Variants in EML6 observed in about 807,000 individuals in gnomAD.
EML6 encodes the protein EMAP like 6.
EML6 carries 154 observed loss-of-function variants against 240.1 expected under a neutral mutation model. The ratio of observed to expected loss-of-function variants is 0.64; its 90% confidence interval spans 0.56 to 0.73. The LOEUF is 0.73. Among genes scored for constraint, EML6 ranks in the 30% least tolerant of loss-of-function variants. The pLI is 0.00. For synonymous variants in EML6, 1,148 were observed against 899.0 expected, an observed-to-expected ratio of 1.28 and a Z score of -4.95; for missense variants, 2,964 against 2,474.6, an observed-to-expected ratio of 1.20 and a Z score of -4.20.
Position 54,970,191 on chromosome 2 carries a change from A to G in EML6, c.*96A>G. 2 of 1,210,936 alleles carry G rather than the reference A, an allele frequency of 1.7e-6. No individual in the cohort carries two copies. Among genetic ancestry groups the G allele is most frequent in the East Asian group, 2.5e-5 (1 of 39,332 alleles). 75.0% of individuals were successfully genotyped at this position (1,210,936 alleles called of 1,614,324 possible). A position where few individuals can be genotyped will look rare whatever the true frequency, so the allele number is the denominator to read the frequency against. The stretch of plus-strand genomic sequence containing the variant: ...GCCTCCTTGCCACCAGCCGTTGGGA[A>G]ATGCCTACCATGCTGCCCCGGATGC... On this transcript the variant is annotated 3_prime_UTR_variant, in exon 42 of 42. Coordinates refer to ENST00000356458, the MANE Select transcript of EML6 (RefSeq NM_001039753.4).
intron 17 of EML6, among the ~76,000 whole-genome samples, chr2:54,885,292 A>T (rs2104025631): frequency 6.6e-6 from 1 of 152,008 alleles, no homozygotes; most frequent in East Asian, 1.9e-4. Flanking sequence ...CTAAAAATAT[A>T]AAAAATTAGC....
chr2:54,947,615 A>G (rs536456717), intron 28 of EML6, among the ~76,000 whole-genome samples: 1 of 152,272 alleles, frequency 6.6e-6, no homozygotes, highest in East Asian at 1.9e-4. Flanking sequence ...TCCATTGTAC[A>G]TAACTCCCCA....
chr2:54,949,893 C>T lies in EML6; in HGVS notation c.4084-757C>T, dbSNP rs1421908173. On this transcript the variant is annotated intron_variant, in intron 29 of 41. Transcript: ENST00000356458. Reference sequence around the variant, plus strand: ...TTAGAAGGCTCCTCCTGCCAGCTCCCAGTACCCTGGTCTTTCCAAGACCTT... The same window carrying T: ...TTAGAAGGCTCCTCCTGCCAGCTCCTAGTACCCTGGTCTTTCCAAGACCTT... 4.6e-5 allele frequency among the ~76,000 whole-genome samples: 7 copies of T among 152,346 alleles called. No individual in the cohort carries two copies. In the South Asian group the frequency reaches 1.0e-3, roughly 23 times the overall value.
Position 54,903,149 on chromosome 2 carries a change from C to T in EML6, c.3230C>T (p.Ser1077Phe), listed in dbSNP as rs1369283763. ...GCTGACACTGTTGAAGACATGGTCT[C>T]TTTCCATCACAGAAAAGAAATGATC... ...VNADTVEDMV[S>F]FHHRKEMISD... is the part of the protein sequence containing the mutation. The change falls in exon 23 of 42, where the codon TCT (serine) becomes TTT (phenylalanine). Residue 1077 changes from serine to phenylalanine, a missense_variant. Physicochemically the swap from Ser to Phe is radical, Grantham distance 155. Coordinates refer to ENST00000356458, the MANE Select transcript of EML6 (RefSeq NM_001039753.4). 3.9e-6 allele frequency: 6 copies of T among 1,551,912 alleles called. No individual in the cohort carries two copies. The highest frequency in any genetic ancestry group is 1.2e-5 in the South Asian group (1 of 84,068).
Position 54,928,636 on chromosome 2 carries a change from G to A in EML6, c.3889G>A (p.Asp1297Asn), listed in dbSNP as rs1180015032. 2.1e-5 allele frequency: 33 copies of A among 1,552,016 alleles called. No individual in the cohort carries two copies. Among genetic ancestry groups the A allele is most frequent in the Non-Finnish European group, 2.7e-5 (31 of 1,147,094 alleles). The change falls in exon 28 of 42, where the codon GAT (aspartate) becomes AAT (asparagine). Residue 1297 changes from aspartate to asparagine, a missense_variant. Asp to Asn is a conservative substitution (Grantham distance 23). Transcript: ENST00000356458. ...TTCTGTTGTTTGAGGCTATGACAGC[G>A]ATGTTGCTAGAGAAAAGGCCATTGA... Reference protein sequence around the residue: ...DVEEDGGYDSDVAREKAIDYT... With the variant: ...DVEEDGGYDSNVAREKAIDYT...
intron 2 of EML6, among the ~76,000 whole-genome samples, chr2:54,732,260 G>C (rs773118838): frequency 4.8e-4 from 73 of 151,504 alleles, no homozygotes; most frequent in Non-Finnish European, 8.7e-4. Context: ...CCTATTCACT[G>C]TCTTGGTGGT....
chr2:54,853,605 T>G, intron 10 of EML6, 38 bp from the exon 11 acceptor site: 1 of 1,253,018 alleles, frequency 8.0e-7, no homozygotes. Context: ...AGAATAAACT[T>G]TTTATTTAAA....
At chr2:54,846,805 A>C (rs550609410) in intron 8 of EML6, among the ~76,000 whole-genome samples, 9 of 152,028 alleles carry the variant, frequency 5.9e-5, no homozygotes, top group Admixed American at 2.0e-4. Flanking sequence ...AAAAGCTAAT[A>C]ATAATGGCAT....
intron 37 of EML6, 30 bp from the exon 38 acceptor site, chr2:54,964,541 T>C (rs1300590186): frequency 6.4e-7 from 1 of 1,550,880 alleles, no homozygotes; most frequent in Non-Finnish European, 8.7e-7. Context: ...GCCCTCCTCA[T>C]GGACTCTGCT....
At chr2:54,820,514 G>A in intron 5 of EML6, 52 bp downstream of exon 5, 2 of 1,083,656 alleles carry the variant, frequency 1.8e-6, no homozygotes, top group South Asian at 1.4e-5. Context: ...ATAATTTTAG[G>A]TGTTTGTATA....
chr2:54,905,896 A>T lies in EML6; in HGVS notation c.3409+2394A>T, dbSNP rs937199532. On this transcript the variant is annotated intron_variant, in intron 24 of 41. Transcript: ENST00000356458. The stretch of plus-strand genomic sequence containing the variant: ...CTTTAAAGACTGAATGTTTAATTTT[A>T]TGTATAGACTGTATTTTGCTTATCT... Among the ~76,000 whole-genome samples the T allele has an allele frequency of 2.0e-5, 3 of 150,848 alleles. No individual in the cohort carries two copies. The Admixed American group carries it at 2.0e-4, about 10-fold the overall frequency.
intron 17 of EML6, among the ~76,000 whole-genome samples, chr2:54,886,401 C>T (rs1672143798): frequency 1.3e-5 from 2 of 152,026 alleles, no homozygotes; most frequent in South Asian, 4.1e-4. Flanking sequence ...TCCTGACCTC[C>T]TCAGGTGATC....
chr2:54,883,972 C>G (rs1217881898), intron 17 of EML6, among the ~76,000 whole-genome samples: 2 of 152,212 alleles, frequency 1.3e-5, no homozygotes, highest in African/African-American at 4.8e-5. Flanking sequence ...CGTTTTCTCA[C>G]TCAACAACAA....
At chr2:54,789,317 T>A (rs1222184704) in intron 2 of EML6, among the ~76,000 whole-genome samples, 1 of 151,476 alleles carries the variant, frequency 6.6e-6, no homozygotes, top group Non-Finnish European at 1.5e-5. Flanking sequence ...ATCGAGACCA[T>A]CCTGGCTAAC....
intron 7 of EML6, among the ~76,000 whole-genome samples, chr2:54,840,511 A>C (rs191956933): frequency 6.6e-6 from 1 of 152,184 alleles, no homozygotes; most frequent in Admixed American, 6.5e-5. Context: ...TCATTACGGT[A>C]GGGGCCTATC....
intron 16 of EML6, among the ~76,000 whole-genome samples, chr2:54,872,253 T>C (rs1243681589): frequency 6.6e-6 from 1 of 152,202 alleles, no homozygotes; most frequent in African/African-American, 2.4e-5. Flanking sequence ...ACAAAAAGTA[T>C]TTCTACCTAG....
intron 2 of EML6, among the ~76,000 whole-genome samples, chr2:54,728,912 C>G (rs1450451344): frequency 6.6e-6 from 1 of 152,124 alleles, no homozygotes; most frequent in Non-Finnish European, 1.5e-5. Context: ...CTGTTCTTCC[C>G]TGCCTCACAG....
chr2:54,857,060 G>A (rs1670421773), intron 11 of EML6, among the ~76,000 whole-genome samples: 1 of 152,210 alleles, frequency 6.6e-6, no homozygotes, highest in Admixed American at 6.5e-5. Flanking sequence ...TGGGACTTGA[G>A]CAGTGGGTTG....
chr2:54,958,731 C>T (rs1385924367), intron 33 of EML6, among the ~76,000 whole-genome samples: 1 of 152,156 alleles, frequency 6.6e-6, no homozygotes, highest in Non-Finnish European at 1.5e-5. Context: ...CTTCGTGGTC[C>T]TCCAGGAGTG....
Sources: gnomAD v4.1 joint callset for allele counts (sites outside exome capture counted in the v4.1 genomes callset) on GRCh38, gnomAD v4.1.1 for gene constraint, MANE v1.5 for transcripts, NCBI Gene and HGNC (gene_info 2026-07-23, HGNC 2026-07-21) for gene names.